Variants in DACH2 observed in about 807,000 individuals in gnomAD.
DACH2 encodes dachshund family transcription factor 2.
In DACH2, 17 loss-of-function variants were observed where a neutral mutation model predicts 35.8. That is an observed-to-expected ratio of 0.48 (90% confidence interval 0.33 to 0.71). The LOEUF is 0.71. Ranked by LOEUF, DACH2 falls within the 30% of genes least tolerant of loss-of-function variation. The pLI is 0.02. For synonymous variants in DACH2, 195 were observed against 177.3 expected (o/e 1.10, Z -0.79); for missense variants, 469 against 472.7 (o/e 0.99, Z 0.07).
At chrX:86,481,362 TA>T (rs2037932731) in intron 2 of DACH2, among the ~76,000 whole-genome samples, 1 of 112,046 alleles carries the variant, frequency 8.9e-6, no homozygotes, top group African/African-American at 3.2e-5. Context: ...AAAATGTTTT[TA>T]TGGATTTGAG....
intron 3 of DACH2, among the ~76,000 whole-genome samples, chrX:86,525,489 G>T (rs1181922845): frequency 9.0e-6 from 1 of 111,696 alleles, no homozygotes; most frequent in Non-Finnish European, 1.9e-5. Flanking sequence ...TAAGAAGTAT[G>T]CAAAATCTTC....
At chrX:86,167,040 C>G (rs2030966613) in intron 1 of DACH2, among the ~76,000 whole-genome samples, 1 of 111,038 alleles carries the variant, frequency 9.0e-6, no homozygotes, top group Non-Finnish European at 1.9e-5. Flanking sequence ...GTGTTTTTGT[C>G]TGGTTTTGGT....
chrX:86,400,664 G>A (rs1284872032), intron 2 of DACH2, among the ~76,000 whole-genome samples: 3 of 111,691 alleles, frequency 2.7e-5, no homozygotes, highest in East Asian at 2.8e-4. Context: ...TGTTTGCCTG[G>A]GTATCAGCAG....
chrX:86,295,361 G>A (rs1329111277), intron 1 of DACH2, among the ~76,000 whole-genome samples: 1 of 112,165 alleles, frequency 8.9e-6, no homozygotes, highest in African/African-American at 3.2e-5. Context: ...AGATGGAAAT[G>A]CAGAAATCAC....
chrX:86,175,244 TC>T (rs1385734758), intron 1 of DACH2, among the ~76,000 whole-genome samples: 3 of 111,979 alleles, frequency 2.7e-5, no homozygotes, highest in Non-Finnish European at 5.6e-5. Flanking sequence ...TGAAAGCTAA[TC>T]AAAAACAACA....
At chrX:86,736,329 T>G (rs1247220959) in intron 6 of DACH2, among the ~76,000 whole-genome samples, 1 of 111,359 alleles carries the variant, frequency 9.0e-6, no homozygotes, top group African/African-American at 3.3e-5. Context: ...AGGAGAAAAT[T>G]TGCTTCATAC....
intron 7 of DACH2, among the ~76,000 whole-genome samples, chrX:86,807,240 A>T (rs1328299261): frequency 1.8e-5 from 2 of 111,681 alleles, no homozygotes; most frequent in Admixed American, 9.5e-5. Context: ...ATGACTATAT[A>T]CTCCTCTTTC....
intron 2 of DACH2, among the ~76,000 whole-genome samples, chrX:86,382,371 G>A (rs1245992434): frequency 1.8e-5 from 2 of 108,661 alleles, no homozygotes; most frequent in African/African-American, 6.7e-5. Context: ...AAACCAAACT[G>A]TCTAATATTA....
intron 3 of DACH2, among the ~76,000 whole-genome samples, chrX:86,629,932 C>T (rs2040181254): frequency 9.0e-6 from 1 of 111,152 alleles, no homozygotes; most frequent in Admixed American, 9.6e-5. Context: ...ACAAGTATAA[C>T]TCATGATTAC....
intron 2 of DACH2, among the ~76,000 whole-genome samples, chrX:86,440,942 G>A (rs770126257): frequency 9.9e-5 from 11 of 110,918 alleles, no homozygotes; most frequent in African/African-American, 3.3e-4. Flanking sequence ...TCCCTCTTAT[G>A]TAACTGTAAT....
rs189568483 is a variant in DACH2, at chrX:86,457,855, G to T, written c.528-56424G>T. ...GAACAGCCAGTACAAAGGTTCTGAA[G>T]CTGACTTTTAAGGCTTAGTCTGGCA... On this transcript the variant is annotated intron_variant, in intron 2 of 11. Transcript: ENST00000373125. 1.6e-3 allele frequency among the ~76,000 whole-genome samples: 181 copies of T among 111,841 alleles called. 1 individual carries two copies. Among genetic ancestry groups the T allele is most frequent in the African/African-American group, 4.5e-3 (139 of 30,852 alleles).
At chrX:86,397,343 C>G (rs185124080) in intron 2 of DACH2, among the ~76,000 whole-genome samples, 1 of 111,624 alleles carries the variant, frequency 9.0e-6, no homozygotes, top group East Asian at 2.8e-4. Flanking sequence ...CAAACAGGGA[C>G]AATTTGACTT....
chrX:86,297,057 A>G (rs1315087525), intron 1 of DACH2, among the ~76,000 whole-genome samples: 1 of 99,447 alleles, frequency 1.0e-5, no homozygotes, highest in East Asian at 3.2e-4. Flanking sequence ...ATATATATAT[A>G]TATATATATA....
chrX:86,548,660 A>G (rs1271168493), intron 3 of DACH2, among the ~76,000 whole-genome samples: 2 of 112,166 alleles, frequency 1.8e-5, no homozygotes, highest in African/African-American at 6.5e-5. Flanking sequence ...CTTAAGTTAG[A>G]GAATACCAAA....
At chrX:86,317,767 G>T (rs1482389650) in intron 1 of DACH2, among the ~76,000 whole-genome samples, 3 of 111,390 alleles carry the variant, frequency 2.7e-5, no homozygotes, top group Admixed American at 9.5e-5. Flanking sequence ...CCATGGGTTT[G>T]TACCTTCAAA....
At chrX:86,686,270 G>T in intron 4 of DACH2, among the ~76,000 whole-genome samples, 1 of 110,717 alleles carries the variant, frequency 9.0e-6, no homozygotes, top group Non-Finnish European at 1.9e-5. Context: ...GTCTCACTCT[G>T]TCGCCAGGCT....
chrX:86,345,603 T>C (rs1032846671), intron 1 of DACH2, among the ~76,000 whole-genome samples: 5 of 111,858 alleles, frequency 4.5e-5, no homozygotes, highest in Non-Finnish European at 9.4e-5. Flanking sequence ...GCGAAAGCAA[T>C]TCAGTATTAT....
intron 1 of DACH2, among the ~76,000 whole-genome samples, chrX:86,240,262 C>T (rs2033136484): frequency 9.0e-6 from 1 of 110,594 alleles, no homozygotes; most frequent in Non-Finnish European, 1.9e-5. Flanking sequence ...GCTCATCACA[C>T]CAGAGAGTTT....
intron 11 of DACH2, 48 bp downstream of exon 11, chrX:86,816,147 C>G: frequency 2.2e-6 from 2 of 919,532 alleles, no homozygotes; most frequent in Non-Finnish European, 3.0e-6. Flanking sequence ...ATATGTGACC[C>G]CTGGGGATGA....
Sources: allele counts gnomAD v4.1 joint callset (sites outside exome capture counted in the v4.1 genomes callset), GRCh38; gene constraint gnomAD v4.1.1; transcripts MANE v1.5; gene names NCBI Gene and HGNC (gene_info 2026-07-23, HGNC 2026-07-21).